Variants in DLG2 observed in about 807,000 individuals in gnomAD.
DLG2 encodes the protein disks large homolog 2.
Under a neutral mutation model 132.5 loss-of-function variants are expected in DLG2, and 45 were observed. The observed-to-expected ratio is 0.34, with a 90% CI of 0.27 to 0.44. The LOEUF is 0.44. Among genes scored for constraint, DLG2 ranks in the 20% least tolerant of loss-of-function variants. The pLI is 1.00. For missense variants in DLG2, 1,045 were observed against 1,196.9 expected (o/e 0.87, Z 1.87); for synonymous variants, 424 against 419.6 (o/e 1.01, Z -0.13).
intron 6 of DLG2, among the ~76,000 whole-genome samples, chr11:84,969,385 T>C (rs1446570984): frequency 1.3e-5 from 2 of 152,160 alleles, no homozygotes; most frequent in Non-Finnish European, 2.9e-5. Context: ...CTGGCTTATC[T>C]CCTCACCAAA....
intron 8 of DLG2, among the ~76,000 whole-genome samples, chr11:84,173,820 A>G (rs1046653907): frequency 3.9e-5 from 6 of 152,042 alleles, no homozygotes; most frequent in African/African-American, 1.4e-4. Context: ...AGTATTTGGC[A>G]CTAGAGTGAC....
intron 21 of DLG2, among the ~76,000 whole-genome samples, chr11:83,488,651 T>C (rs2093666593): frequency 1.3e-5 from 2 of 152,054 alleles, no homozygotes; most frequent in African/African-American, 4.8e-5. Context: ...AGTTCTAAAA[T>C]GTCATCTTAG....
At chr11:83,689,825 T>C (rs1050766575) in intron 18 of DLG2, among the ~76,000 whole-genome samples, 4 of 150,922 alleles carry the variant, frequency 2.7e-5, no homozygotes, top group Non-Finnish European at 5.9e-5. Context: ...CTTTGCTTGC[T>C]GACACCATCA....
intron 6 of DLG2, among the ~76,000 whole-genome samples, chr11:84,666,461 T>A (rs2099699874): frequency 6.6e-6 from 1 of 152,108 alleles, no homozygotes; most frequent in African/African-American, 2.4e-5. Flanking sequence ...TCTCTTTATG[T>A]ATATATCTAT....
intron 6 of DLG2, among the ~76,000 whole-genome samples, chr11:84,874,459 A>C (rs2154047196): frequency 6.6e-6 from 1 of 152,268 alleles, no homozygotes; most frequent in South Asian, 2.1e-4. Context: ...GCCTGAGATA[A>C]GGCTGGCAGG....
intron 11 of DLG2, among the ~76,000 whole-genome samples, chr11:84,016,653 T>A (rs2095205822): frequency 6.6e-6 from 1 of 152,172 alleles, no homozygotes; most frequent in Non-Finnish European, 1.5e-5. Context: ...GATGATCAGA[T>A]GGTTGTAGGT....
At chr11:84,728,158 G>C (rs992867280) in intron 6 of DLG2, among the ~76,000 whole-genome samples, 2 of 152,148 alleles carry the variant, frequency 1.3e-5, no homozygotes, top group African/African-American at 4.8e-5. Flanking sequence ...GGGCATCCTT[G>C]TCTTGTGCCA....
intron 7 of DLG2, among the ~76,000 whole-genome samples, chr11:84,304,380 G>A (rs1037567953): frequency 5.3e-5 from 8 of 152,160 alleles, no homozygotes; most frequent in African/African-American, 1.9e-4. Flanking sequence ...TAGCAACTTT[G>A]AGAGCTCAAA....
chr11:84,547,415 C>T (rs1451215706), intron 6 of DLG2, among the ~76,000 whole-genome samples: 1 of 152,120 alleles, frequency 6.6e-6, no homozygotes, highest in Admixed American at 6.5e-5. Context: ...ATCTTAAATG[C>T]TTGAAAACCT....
intron 6 of DLG2, among the ~76,000 whole-genome samples, chr11:85,043,753 AT>A (rs2062068692): frequency 6.6e-6 from 1 of 151,908 alleles, no homozygotes; most frequent in South Asian, 2.1e-4. Context: ...TATTAGCTCT[AT>A]TTTTAATAGA....
intron 2 of DLG2, among the ~76,000 whole-genome samples, chr11:85,604,131 C>A (rs1378542228): frequency 1.3e-5 from 2 of 152,182 alleles, no homozygotes; most frequent in Non-Finnish European, 2.9e-5. Flanking sequence ...TCTAAACCAG[C>A]AGAGCTTACT....
intron 7 of DLG2, among the ~76,000 whole-genome samples, chr11:84,495,695 C>T (rs142953106): frequency 2.0e-3 from 299 of 152,234 alleles, no homozygotes; most frequent in African/African-American, 6.6e-3. Context: ...TTATGCTTAT[C>T]CCTGCATTAA....
chr11:84,013,633 C>A (rs1036074366), intron 11 of DLG2, among the ~76,000 whole-genome samples: 20 of 151,988 alleles, frequency 1.3e-4, no homozygotes, highest in African/African-American at 4.8e-4. Flanking sequence ...CTTTGGGAGG[C>A]CGAGGTGGTT....
intron 19 of DLG2, among the ~76,000 whole-genome samples, chr11:83,585,804 G>A (rs2097074898): frequency 6.6e-6 from 1 of 152,112 alleles, no homozygotes; most frequent in Non-Finnish European, 1.5e-5. Flanking sequence ...CACACTGGAG[G>A]AAACAGAAAA....
At chr11:85,575,835 C>A (rs1302179129) in intron 3 of DLG2, among the ~76,000 whole-genome samples, 4 of 152,148 alleles carry the variant, frequency 2.6e-5, no homozygotes, top group African/African-American at 9.7e-5. Context: ...TTGTATATTG[C>A]TGATATCTAC....
chr11:85,307,927 G>A lies in DLG2; in HGVS notation c.41-22562C>T, dbSNP rs545456765. Among the ~76,000 whole-genome samples the A allele has an allele frequency of 6.4e-4, 97 of 152,224 alleles. 1 individual carries two copies. The highest frequency in any genetic ancestry group is 4.9e-3 in the Admixed American group (75 of 15,304). On this transcript the variant is annotated intron_variant, in intron 3 of 27. Transcript: ENST00000376104. ...CCCAGCATTTTGGGAGGCCAAGACC[G>A]GCAGATCACTTGCAGTCAGGAGTTC... is the stretch of plus-strand genomic sequence containing the variant.
chr11:83,792,155 T>C (rs908377879), intron 17 of DLG2, among the ~76,000 whole-genome samples: 4 of 152,172 alleles, frequency 2.6e-5, no homozygotes, highest in South Asian at 2.1e-4. Context: ...CCTCTTGATG[T>C]TGTTAAGGTT....
At chr11:85,167,373 T>C (rs1218635020) in intron 4 of DLG2, among the ~76,000 whole-genome samples, 2 of 152,130 alleles carry the variant, frequency 1.3e-5, no homozygotes, top group Non-Finnish European at 2.9e-5. Flanking sequence ...TACAGAGGTA[T>C]GAGGTGAGGA....
intron 10 of DLG2, among the ~76,000 whole-genome samples, chr11:84,066,188 C>G (rs537545993): frequency 7.9e-5 from 12 of 152,098 alleles, no homozygotes; most frequent in Non-Finnish European, 1.8e-4. Context: ...ACCTATATAA[C>G]AAACATGCAC....
Sources: gnomAD v4.1 joint callset for allele counts (sites outside exome capture counted in the v4.1 genomes callset) on GRCh38, gnomAD v4.1.1 for gene constraint, MANE v1.5 for transcripts, NCBI Gene and HGNC (gene_info 2026-07-23, HGNC 2026-07-21) for gene names.